The following AKAP6 variants were observed in gnomAD, a reference collection of about 807,000 sequenced individuals.
AKAP6 encodes the protein A-kinase anchor protein 6.
AKAP6 carries 58 observed loss-of-function variants against 188.5 expected under a neutral mutation model. The ratio of observed to expected loss-of-function variants is 0.31; its 90% confidence interval spans 0.25 to 0.38. The LOEUF (loss-of-function observed/expected upper bound fraction) is 0.38. AKAP6 is among the 10% of genes least tolerant of loss of function. The pLI, the probability that AKAP6 is intolerant of heterozygous loss-of-function variation, is 1.00. For synonymous variants in AKAP6, 989 were observed against 998.6 expected (o/e 0.99, Z 0.18); for missense variants, 2,710 against 2,740.0 (o/e 0.99, Z 0.24).
At chr14:32,411,821 ATAT>A (rs2138650149) in intron 1 of AKAP6, among the ~76,000 whole-genome samples, 1 of 136,058 alleles carries the variant, frequency 7.3e-6, no homozygotes, top group Non-Finnish European at 1.6e-5. Context: ...TTCTTTAGTG[ATAT>A]TTTTATGGGT....
chr14:32,529,162 A>G (rs1403452219), intron 2 of AKAP6, among the ~76,000 whole-genome samples: 1 of 152,176 alleles, frequency 6.6e-6, no homozygotes, highest in Non-Finnish European at 1.5e-5. Flanking sequence ...CAGAGTTTGC[A>G]GTTTTCATAT....
At chr14:32,672,350 A>G (rs1197401876) in intron 7 of AKAP6, among the ~76,000 whole-genome samples, 3 of 152,212 alleles carry the variant, frequency 2.0e-5, no homozygotes, top group South Asian at 2.1e-4. Flanking sequence ...ATAACAAAAT[A>G]CCACAGACTG....
chr14:32,780,683 G>A (rs1006962438), intron 12 of AKAP6, among the ~76,000 whole-genome samples: 1 of 152,132 alleles, frequency 6.6e-6, no homozygotes, highest in African/African-American at 2.4e-5. Flanking sequence ...ATGCCTGTAA[G>A]CCCAGCACTT....
At chr14:32,385,953 T>A (rs1456619913) in intron 1 of AKAP6, among the ~76,000 whole-genome samples, 1 of 148,554 alleles carries the variant, frequency 6.7e-6, no homozygotes, top group Non-Finnish European at 1.5e-5. Flanking sequence ...ATACATATAT[T>A]CATATATACA....
intron 10 of AKAP6, among the ~76,000 whole-genome samples, chr14:32,734,786 T>C (rs796978275): frequency 3.3e-5 from 5 of 152,258 alleles, no homozygotes; most frequent in African/African-American, 1.2e-4. Flanking sequence ...AAAGATACTA[T>C]TTACAGAACA....
chr14:32,578,569 T>G (rs1259422464), intron 5 of AKAP6, among the ~76,000 whole-genome samples: 1 of 152,192 alleles, frequency 6.6e-6, no homozygotes, highest in Non-Finnish European at 1.5e-5. Flanking sequence ...TGCTTTATGA[T>G]GTAAATTGTA....
intron 1 of AKAP6, among the ~76,000 whole-genome samples, chr14:32,330,713 ATTTTTTTTTTTTTT>A (rs35147196): frequency 9.6e-5 from 6 of 62,360 alleles, no homozygotes; most frequent in East Asian, 5.1e-4. Flanking sequence ...GCTTGGAGTG[ATTTTTTTTTTTTTT>A]TTTTTTTTTT....
At chr14:32,728,817 G>C (rs537475495) in intron 9 of AKAP6, among the ~76,000 whole-genome samples, 2 of 152,130 alleles carry the variant, frequency 1.3e-5, no homozygotes, top group East Asian at 3.9e-4. Flanking sequence ...CCATCATGCT[G>C]CCTTTTTTCT....
intron 13 of AKAP6, among the ~76,000 whole-genome samples, chr14:32,826,855 C>A (rs1159343332): frequency 2.6e-5 from 4 of 152,124 alleles, no homozygotes; most frequent in Non-Finnish European, 5.9e-5. Context: ...TTTTGTTAAG[C>A]CCCGGTGATG....
intron 2 of AKAP6, among the ~76,000 whole-genome samples, chr14:32,496,976 G>T (rs1186629748): frequency 1.3e-5 from 2 of 152,034 alleles, no homozygotes; most frequent in African/African-American, 4.8e-5. Flanking sequence ...TAACTTCTTT[G>T]TTTGGTCTCT....
chr14:32,564,526 G>C (rs1884104543), intron 4 of AKAP6, among the ~76,000 whole-genome samples: 1 of 152,188 alleles, frequency 6.6e-6, no homozygotes, highest in South Asian at 2.1e-4. Context: ...GAGCATTTGA[G>C]CTTGATCTTG....
intron 7 of AKAP6, among the ~76,000 whole-genome samples, chr14:32,637,148 A>G (rs1366339159): frequency 6.6e-6 from 1 of 152,134 alleles, no homozygotes; most frequent in Non-Finnish European, 1.5e-5. Flanking sequence ...GAAGGATTAA[A>G]TGTAAAGCAC....
intron 12 of AKAP6, among the ~76,000 whole-genome samples, chr14:32,793,324 A>T (rs777630422): frequency 6.6e-6 from 1 of 152,212 alleles, no homozygotes; most frequent in Non-Finnish European, 1.5e-5. Flanking sequence ...AAAGGGATAG[A>T]GGAAAATTTA....
intron 4 of AKAP6, among the ~76,000 whole-genome samples, chr14:32,561,033 C>T (rs993019403): frequency 2.6e-5 from 4 of 152,142 alleles, no homozygotes; most frequent in African/African-American, 7.2e-5. Context: ...TAGTAATTTA[C>T]TCAAGGATAT....
intron 7 of AKAP6, among the ~76,000 whole-genome samples, chr14:32,638,607 G>A (rs547158745): frequency 1.8e-4 from 28 of 152,094 alleles, no homozygotes; most frequent in Non-Finnish European, 2.8e-4. Flanking sequence ...AAACAAAATG[G>A]TATTATAAGT....
At chr14:32,597,650 G>A (rs576110567) in intron 5 of AKAP6, among the ~76,000 whole-genome samples, 39 of 152,308 alleles carry the variant, frequency 2.6e-4, no homozygotes, top group Non-Finnish European at 4.4e-4. Context: ...AAAGAGGACA[G>A]TACAAGAAAT....
intron 12 of AKAP6, among the ~76,000 whole-genome samples, chr14:32,801,575 T>A (rs533265658): frequency 6.6e-6 from 1 of 152,230 alleles, no homozygotes; most frequent in South Asian, 2.1e-4. Flanking sequence ...GATTTGATTT[T>A]ACCTTATTTA....
chr14:32,471,148 C>T (rs1426816581), intron 2 of AKAP6, among the ~76,000 whole-genome samples: 1 of 152,150 alleles, frequency 6.6e-6, no homozygotes, highest in Non-Finnish European at 1.5e-5. Context: ...GATATCCATT[C>T]AACATTTCAA....
chr14:32,746,742 C>G (rs1031724669), intron 11 of AKAP6, among the ~76,000 whole-genome samples: 2 of 152,162 alleles, frequency 1.3e-5, no homozygotes, highest in Non-Finnish European at 2.9e-5. Flanking sequence ...ATAGTCACAC[C>G]TAGAAACCGT....
Sources: gnomAD v4.1 joint callset for allele counts (sites outside exome capture counted in the v4.1 genomes callset) on GRCh38, gnomAD v4.1.1 for gene constraint, MANE v1.5 for transcripts, NCBI Gene and HGNC (gene_info 2026-07-23, HGNC 2026-07-21) for gene names.